Variants in RAB1B observed in about 807,000 individuals in gnomAD.
RAB1B encodes ras-related protein Rab-1B.
RAB1B carries 10 observed loss-of-function variants against 24.8 expected under a neutral mutation model. That is an observed-to-expected ratio of 0.40 (90% CI 0.25 to 0.68). The LOEUF (loss-of-function observed/expected upper bound fraction) is 0.68. RAB1B is among the 30% of genes least tolerant of loss of function. The pLI is 0.37. For synonymous variants in RAB1B, 99 were observed against 111.7 expected (o/e 0.89, Z 0.72); for missense variants, 154 against 271.2 (o/e 0.57, Z 3.04).
At chr11:66,268,822 A>ACCACCC (rs1555003526) in intron 1 of RAB1B, 129 bp downstream of exon 1, 1 of 565,176 alleles carries the variant, frequency 1.8e-6, no homozygotes, top group Admixed American at 6.6e-5. Context: ...TCTTCCGCTG[A>ACCACCC]CCCCCCCCCA....
chr11:66,272,165 G>A lies in RAB1B; in HGVS notation c.96G>A (p.Thr32=), dbSNP rs748997758. 16 of 1,611,840 alleles carry A rather than the reference G, an allele frequency of 9.9e-6. No homozygotes were observed. Among genetic ancestry groups the A allele is most frequent in the South Asian group, 5.5e-5 (5 of 91,028 alleles). The change falls in exon 3 of 6, where the codon ACG becomes ACA. Residue 32 remains threonine, a synonymous_variant. Transcript: ENST00000311481. ...SCLLLRFADD[T]YTESYISTIG... is the part of the protein sequence containing the mutation. ...GGCCCCTGAACTTTCAGGATGACAC[G>A]TACACAGAGAGCTACATCAGCACCA...
Position 66,276,589 on chromosome 11 carries a change from T to C in RAB1B, c.*351T>C, listed in dbSNP as rs186183603. On this transcript the variant is annotated 3_prime_UTR_variant, in exon 6 of 6. Coordinates refer to ENST00000311481, the MANE Select transcript of RAB1B (RefSeq NM_030981.3). ...TGTATGCTGCACTGGGTTCTCTCCTTCTTCTTCCTGCTGTCCTGCCCAAGA... is the reference window on the plus strand; with the variant it reads ...TGTATGCTGCACTGGGTTCTCTCCTCCTTCTTCCTGCTGTCCTGCCCAAGA... 46 of 228,602 alleles carry C rather than the reference T, an allele frequency of 2.0e-4. No individual in the cohort carries two copies. The highest frequency in any genetic ancestry group is 1.1e-3 in the Admixed American group (19 of 17,376). 14.2% of individuals were successfully genotyped at this position (228,602 alleles called of 1,614,324 possible). A position where few individuals can be genotyped will look rare whatever the true frequency, so the allele number is the denominator to read the frequency against.
chr11:66,273,275 G>A (rs1025206395), intron 4 of RAB1B, among the ~76,000 whole-genome samples: 9 of 152,326 alleles, frequency 5.9e-5, no homozygotes, highest in African/African-American at 2.2e-4. Flanking sequence ...TGTCTGAGGA[G>A]CAGCCGGGCT....
At chr11:66,276,009 T>G (rs368074010) in intron 5 of RAB1B, 35 bp from the exon 6 acceptor site, 3 of 1,589,948 alleles carry the variant, frequency 1.9e-6, no homozygotes, top group Non-Finnish European at 2.6e-6. Context: ...CCCCTCCTCT[T>G]CTCTCCCCTC....
chr11:66,276,319 C>T lies in RAB1B; in HGVS notation c.*81C>T, dbSNP rs1590887403. On this transcript the variant is annotated 3_prime_UTR_variant, in exon 6 of 6. Coordinates refer to ENST00000311481, the MANE Select transcript of RAB1B (RefSeq NM_030981.3). Reference sequence around the variant, plus strand: ...AGGGGGCAGGAGGTACCTCCCTCTCCCTCTCCTGGGGCATTTGAGTCTGTG... The same window carrying T: ...AGGGGGCAGGAGGTACCTCCCTCTCTCTCTCCTGGGGCATTTGAGTCTGTG... The T allele has an allele frequency of 7.5e-7, 1 of 1,335,812 alleles. No homozygotes were observed. The highest frequency in any genetic ancestry group is 1.0e-6 in the Non-Finnish European group (1 of 1,000,880). The allele number at this position is 1,335,812 out of a possible 1,614,324, so 82.7% of individuals were successfully genotyped here. A position where few individuals can be genotyped will look rare whatever the true frequency, so the allele number is the denominator to read the frequency against.
In RAB1B at chr11:66,276,387, T is replaced by C. The variant is rs962295804; in HGVS notation, c.*149T>C. ...GCTCCCCATCTCCTTCTGGCCCATC[T>C]GCCTGCTGCCCTGAGCCCCGGTTCT... On this transcript the variant is annotated 3_prime_UTR_variant, in exon 6 of 6. Coordinates refer to ENST00000311481, the MANE Select transcript of RAB1B (RefSeq NM_030981.3). 5.3e-6 allele frequency: 4 copies of C among 752,684 alleles called. No individual in the cohort carries two copies. Among genetic ancestry groups the C allele is most frequent in the Non-Finnish European group, 8.1e-6 (4 of 491,368 alleles). 46.6% of individuals were successfully genotyped at this position (752,684 alleles called of 1,614,324 possible).
At position 66,276,508 on chromosome 11, in the gene RAB1B, C is replaced by T; in HGVS notation, c.*270C>T. On this transcript the variant is annotated 3_prime_UTR_variant, in exon 6 of 6. Coordinates refer to ENST00000311481, the MANE Select transcript of RAB1B (RefSeq NM_030981.3). The stretch of plus-strand genomic sequence containing the variant: ...TCTAGGTGACTTTCCAAGATGCCCC[C>T]CTACACACCTTTCTTTGGAACGAGG... 2.2e-6 allele frequency: 1 copy of T among 448,206 alleles called. No individual in the cohort carries two copies. Among genetic ancestry groups the T allele is most frequent in the Non-Finnish European group, 3.9e-6 (1 of 253,758 alleles). The allele number at this position is 448,206 out of a possible 1,614,324, so 27.8% of individuals were successfully genotyped here.
intron 1 of RAB1B, 33 bp from the exon 2 acceptor site, chr11:66,271,764 C>G (rs768022689): frequency 1.3e-6 from 2 of 1,553,330 alleles, no homozygotes; most frequent in Admixed American, 1.7e-5. Context: ...GGCTCCCTGC[C>G]TCCCTTCACG....
chr11:66,271,693 C>A, intron 1 of RAB1B, 104 bp from the exon 2 acceptor site: 1 of 793,082 alleles, frequency 1.3e-6, no homozygotes, highest in Non-Finnish European at 2.2e-6. Flanking sequence ...AAAAATAAAC[C>A]AAGGGATGCC....
rs1185389141 is a variant in RAB1B, at chr11:66,268,704, C to G, written c.14+11C>G. ...CATGAACCCCGAATAGTGAGTGAGCCCCGCCCGCGCCGTCCAGCGCAGCCT... is the reference window on the plus strand; with the variant it reads ...CATGAACCCCGAATAGTGAGTGAGCGCCGCCCGCGCCGTCCAGCGCAGCCT... On this transcript the variant is annotated intron_variant, in intron 1 of 5. Transcript: ENST00000311481. 6.4e-7 allele frequency: 1 copy of G among 1,564,112 alleles called. No homozygotes were observed. Among genetic ancestry groups the G allele is most frequent in the Non-Finnish European group, 8.6e-7 (1 of 1,157,158 alleles).
In RAB1B at chr11:66,272,479, T is replaced by C; in HGVS notation, c.279+19T>C. The C allele has an allele frequency of 6.5e-7, 1 of 1,531,672 alleles. No individual in the cohort carries two copies. The highest frequency in any genetic ancestry group is 8.9e-7 in the Non-Finnish European group (1 of 1,128,188). The allele number at this position is 1,531,672 out of a possible 1,614,324, so 94.9% of individuals were successfully genotyped here. A position where few individuals can be genotyped will look rare whatever the true frequency, so the allele number is the denominator to read the frequency against. ...TGACCAGGTACTCCTGGACTAGCCA[T>C]CCTCAGCTTGGCCTCCTTAGCCTTA... is the stretch of plus-strand genomic sequence containing the variant. On this transcript the variant is annotated intron_variant, in intron 4 of 5. Transcript: ENST00000311481.
At chr11:66,274,208 C>G (rs1467447387) in intron 4 of RAB1B, among the ~76,000 whole-genome samples, 1 of 152,192 alleles carries the variant, frequency 6.6e-6, no homozygotes, top group Non-Finnish European at 1.5e-5. Context: ...CCCATCCAGT[C>G]AGTCTCGAGT....
chr11:66,268,806 G>A (rs1011446506), intron 1 of RAB1B, 113 bp downstream of exon 1: 1 of 1,084,428 alleles, frequency 9.2e-7, no homozygotes. Flanking sequence ...CCCACATCCG[G>A]GTCCCTCTTC....
intron 4 of RAB1B, 80 bp downstream of exon 4, chr11:66,272,540 T>A: frequency 1.1e-6 from 1 of 918,504 alleles, no homozygotes; most frequent in Non-Finnish European, 1.7e-6. Context: ...TTCCATCCTC[T>A]CTTTCCTGAT....
At chr11:66,272,739 G>C in intron 4 of RAB1B, 1 of 290,258 alleles carries the variant, frequency 3.4e-6, no homozygotes, top group South Asian at 6.5e-5. Flanking sequence ...AGCCAAACTT[G>C]CCACCTTATT....
At position 66,276,189 on chromosome 11, in the gene RAB1B, T is replaced by C. The variant is rs757359345; in HGVS notation, c.557T>C (p.Leu186Pro). ...GCCTCTGGGGGCGAGCGGCCCAATC[T>C]CAAGATCGACAGCACCCCTGTAAAG... ...GAASGGERPNLKIDSTPVKPA... is the reference protein window; with the variant it reads ...GAASGGERPNPKIDSTPVKPA... Residue 186 changes from leucine (L) to proline (P), a missense_variant, in exon 6 of 6, where the codon CTC becomes CCC. Physicochemically the swap from Leu to Pro is moderately conservative, Grantham distance 98. This residue lies in a region of RAB1B where 77 missense variants were observed against 97.8 expected (regional missense o/e 0.79). Transcript: ENST00000311481. The C allele has an allele frequency of 6.2e-7, 1 of 1,606,594 alleles. No individual in the cohort carries two copies. The highest frequency in any genetic ancestry group is 8.5e-7 in the Non-Finnish European group (1 of 1,177,902).
chr11:66,274,536 T>C (rs1211482724), intron 4 of RAB1B, among the ~76,000 whole-genome samples: 1 of 152,148 alleles, frequency 6.6e-6, no homozygotes, highest in Non-Finnish European at 1.5e-5. Flanking sequence ...ATTCCAGCCA[T>C]TCCCAGTTGG....
At chr11:66,269,224 C>T (rs549686251) in intron 1 of RAB1B, among the ~76,000 whole-genome samples, 1 of 152,136 alleles carries the variant, frequency 6.6e-6, no homozygotes. Context: ...CCCGCAGGTC[C>T]TCTCTTCCGG....
rs1857129281 is a variant in RAB1B at position 66,275,654 on chromosome 11, G to A, written c.280-150G>A. The stretch of plus-strand genomic sequence containing the variant: ...GGCAGGGAGGAAGGTTCAGCCTGGA[G>A]CAGAGGGCTTCCTCTGCATCTCTGC... On this transcript the variant is annotated intron_variant, in intron 4 of 5. Coordinates refer to ENST00000311481, the MANE Select transcript of RAB1B (RefSeq NM_030981.3). 3 of 842,486 alleles carry A rather than the reference G, an allele frequency of 3.6e-6. No individual in the cohort carries two copies. In the African/African-American group the frequency reaches 5.1e-5, roughly 14 times the overall value. The allele number at this position is 842,486 out of a possible 1,614,324, so 52.2% of individuals were successfully genotyped here.
Sources: allele counts gnomAD v4.1 joint callset (sites outside exome capture counted in the v4.1 genomes callset), GRCh38; gene constraint gnomAD v4.1.1; regional missense constraint gnomAD v4.1.1; transcripts MANE v1.5; gene names NCBI Gene and HGNC (gene_info 2026-07-23, HGNC 2026-07-21).